The following CSMD1 variants were observed in gnomAD, a reference collection of about 807,000 sequenced individuals.
CSMD1 encodes CUB and Sushi multiple domains 1.
Under a neutral mutation model 417.5 loss-of-function variants are expected in CSMD1, and 213 were observed. The observed-to-expected ratio is 0.51, with a 90% confidence interval of 0.46 to 0.57. CSMD1 has a LOEUF of 0.57. Among genes scored for constraint, CSMD1 ranks in the 20% least tolerant of loss-of-function variants. The probability of loss-of-function intolerance (pLI) is 0.00; values close to 1 mark genes in which losing one functional copy is unlikely to be tolerated. For missense variants in CSMD1, 6,923 were observed against 4,529.7 expected, an observed-to-expected ratio of 1.53 and a Z score of -15.17; for synonymous variants, 2,862 against 1,736.8, an observed-to-expected ratio of 1.65 and a Z score of -16.11.
In CSMD1 at chr8:3,214,598, T is replaced by C; in HGVS notation, c.4766A>G (p.Gln1589Arg). Reference sequence around the variant, plus strand: ...AAGAATCTTATAGCCAGAGTCACACTGGTAGGTGATGGTGGAGCCAAGCTT... The same window carrying C: ...AAGAATCTTATAGCCAGAGTCACACCGGTAGGTGATGGTGGAGCCAAGCTT... ...DFKLGSTITYQCDSGYKILDP... is the reference protein window; with the variant it reads ...DFKLGSTITYRCDSGYKILDP... The change falls in exon 30 of 70, where the codon CAG (glutamine) becomes CGG (arginine). Residue 1589 changes from glutamine to arginine, a missense_variant. Physicochemically the swap from Gln to Arg is conservative, Grantham distance 43. Coordinates refer to ENST00000635120, the MANE Select transcript of CSMD1 (RefSeq NM_033225.6). 1.3e-6 allele frequency: 2 copies of C among 1,566,694 alleles called. No individual in the cohort carries two copies. Among genetic ancestry groups the C allele is most frequent in the African/African-American group, 2.7e-5 (2 of 73,924 alleles).
chr8:4,910,452 C>T (rs138564617), intron 1 of CSMD1, among the ~76,000 whole-genome samples: 86 of 152,250 alleles, frequency 5.6e-4, no homozygotes, highest in Admixed American at 2.9e-3. Flanking sequence ...AAGTTATTAG[C>T]GGGTTTGTCC....
intron 12 of CSMD1, among the ~76,000 whole-genome samples, chr8:3,460,213 G>A (rs1432487508): frequency 6.6e-6 from 1 of 152,142 alleles, no homozygotes; most frequent in African/African-American, 2.4e-5. Context: ...GATGAGACGG[G>A]AAGATCAGCA....
intron 7 of CSMD1, among the ~76,000 whole-genome samples, chr8:3,685,259 G>C (rs1368861782): frequency 6.6e-6 from 1 of 152,128 alleles, no homozygotes; most frequent in Non-Finnish European, 1.5e-5. Context: ...AGTTGCCTCA[G>C]GGCTAATTGT....
At chr8:4,452,272 G>T (rs908623833) in intron 2 of CSMD1, among the ~76,000 whole-genome samples, 1 of 152,158 alleles carries the variant, frequency 6.6e-6, no homozygotes, top group Admixed American at 6.5e-5. Context: ...CCTTGTCAAA[G>T]GAGGATGACT....
chr8:4,333,905 G>A (rs1240885482), intron 3 of CSMD1, among the ~76,000 whole-genome samples: 1 of 151,796 alleles, frequency 6.6e-6, no homozygotes, highest in East Asian at 1.9e-4. Flanking sequence ...TTTTTGTTTT[G>A]TTTTGAGAAA....
At chr8:4,557,429 GTT>G (rs146510022) in intron 2 of CSMD1, among the ~76,000 whole-genome samples, 3 of 146,028 alleles carry the variant, frequency 2.1e-5, no homozygotes, top group African/African-American at 2.5e-5. Flanking sequence ...AATCTGCGAG[GTT>G]TTTTTTTTTT....
At chr8:4,358,807 G>T (rs545928202) in intron 3 of CSMD1, among the ~76,000 whole-genome samples, 1 of 152,200 alleles carries the variant, frequency 6.6e-6, no homozygotes, top group East Asian at 1.9e-4. Flanking sequence ...GGGTAAACAA[G>T]TTATAAATCA....
chr8:3,895,993 T>C (rs1268889986), intron 5 of CSMD1, among the ~76,000 whole-genome samples: 1 of 152,186 alleles, frequency 6.6e-6, no homozygotes, highest in African/African-American at 2.4e-5. Flanking sequence ...TTACTGTAAA[T>C]CATTCAGTGC....
In CSMD1 at chr8:4,077,295, G is replaced by GTATATATATATA. The variant is rs1253192594; in HGVS notation, c.416-45197_416-45196insTATATATATATA. Among the ~76,000 whole-genome samples, 138 of 88,908 alleles carry GTATATATATATA rather than the reference G, an allele frequency of 1.6e-3. 3 individuals are homozygous for GTATATATATATA. The highest frequency in any genetic ancestry group is 5.5e-3 in the African/African-American group (128 of 23,208). 58.3% of individuals were successfully genotyped at this position (88,908 alleles called of 152,430 possible). On this transcript the variant is annotated intron_variant, in intron 3 of 69. Coordinates refer to ENST00000635120, the MANE Select transcript of CSMD1 (RefSeq NM_033225.6). ...ATTTGTCACCTATATATATATATATGTGTATATATATATATATATATATAT... is the reference window on the plus strand; with the variant it reads ...ATTTGTCACCTATATATATATATATGTATATATATATATGTATATATATATATATATATATAT...
At chr8:3,041,577 T>G (rs898869273) in intron 50 of CSMD1, among the ~76,000 whole-genome samples, 6 of 152,228 alleles carry the variant, frequency 3.9e-5, no homozygotes, top group African/African-American at 1.4e-4. Flanking sequence ...GTTACATGCT[T>G]GTAGCATTTC....
At chr8:4,290,787 T>A (rs1331955735) in intron 3 of CSMD1, among the ~76,000 whole-genome samples, 1 of 152,224 alleles carries the variant, frequency 6.6e-6, no homozygotes, top group Non-Finnish European at 1.5e-5. Flanking sequence ...GATTTTTTGG[T>A]AAGCTTTTAC....
At chr8:3,776,694 A>C (rs1429148577) in intron 5 of CSMD1, among the ~76,000 whole-genome samples, 1 of 152,040 alleles carries the variant, frequency 6.6e-6, no homozygotes, top group Non-Finnish European at 1.5e-5. Context: ...GATTTCATAC[A>C]GATGGCTACC....
intron 48 of CSMD1, among the ~76,000 whole-genome samples, chr8:3,088,094 A>G (rs897407324): frequency 1.3e-5 from 2 of 152,208 alleles, no homozygotes; most frequent in African/African-American, 2.4e-5. Context: ...GTCAATTACA[A>G]TCTCACAATA....
intron 12 of CSMD1, among the ~76,000 whole-genome samples, chr8:3,424,251 T>C (rs1444827953): frequency 6.6e-6 from 1 of 152,176 alleles, no homozygotes; most frequent in Admixed American, 6.5e-5. Context: ...ATGATTCAAT[T>C]AGAGTTTATC....
At chr8:4,054,270 C>T (rs866300613) in intron 3 of CSMD1, among the ~76,000 whole-genome samples, 13 of 96,758 alleles carry the variant, frequency 1.3e-4, no homozygotes, top group South Asian at 5.1e-4. Context: ...TAAGAGGTGA[C>T]GGGGAAGTGA....
At chr8:4,214,208 A>C (rs556382353) in intron 3 of CSMD1, among the ~76,000 whole-genome samples, 25 of 152,200 alleles carry the variant, frequency 1.6e-4, no homozygotes, top group Non-Finnish European at 3.4e-4. Context: ...AATAGATGGA[A>C]ATTAAATGAA....
intron 20 of CSMD1, among the ~76,000 whole-genome samples, chr8:3,363,567 G>C (rs908709702): frequency 6.6e-6 from 1 of 151,854 alleles, no homozygotes; most frequent in Non-Finnish European, 1.5e-5. Flanking sequence ...TCGCTGTATT[G>C]CCGAGGCTGG....
intron 2 of CSMD1, among the ~76,000 whole-genome samples, chr8:4,458,867 T>C (rs1419985348): frequency 6.6e-6 from 1 of 152,218 alleles, no homozygotes; most frequent in African/African-American, 2.4e-5. Context: ...CACTGAATAC[T>C]CATTCCACAG....
chr8:3,470,362 T>G (rs1452743328), intron 11 of CSMD1, among the ~76,000 whole-genome samples: 1 of 152,190 alleles, frequency 6.6e-6, no homozygotes, highest in Admixed American at 6.5e-5. Context: ...TTTATTAAGA[T>G]AATTGTGGAT....
Sources: allele counts gnomAD v4.1 joint callset (sites outside exome capture counted in the v4.1 genomes callset), GRCh38; gene constraint gnomAD v4.1.1; transcripts MANE v1.5; gene names NCBI Gene and HGNC (gene_info 2026-07-23, HGNC 2026-07-21).